THADA: variants seen among roughly 807,000 people sequenced by gnomAD.
THADA encodes the protein tRNA (32-2'-O)-methyltransferase regulator THADA.
In THADA, 213 loss-of-function variants were observed where a neutral mutation model predicts 219.8. The ratio of observed to expected loss-of-function variants is 0.97; its 90% CI spans 0.87 to 1.09. The LOEUF (loss-of-function observed/expected upper bound fraction) is 1.09. THADA is among the 50% of genes least tolerant of loss of function. The pLI is 0.00. For synonymous variants in THADA, 1,018 were observed against 828.9 expected (o/e 1.23, Z -3.92); for missense variants, 2,956 against 2,311.3 (o/e 1.28, Z -5.72).
intron 20 of THADA, among the ~76,000 whole-genome samples, chr2:43,541,813 T>G (rs534046641): frequency 6.6e-6 from 1 of 152,170 alleles, no homozygotes. Flanking sequence ...AATTTATTAT[T>G]TTCAAATTAA....
chr2:43,515,606 C>G (rs1344226068), intron 22 of THADA, among the ~76,000 whole-genome samples: 2 of 149,930 alleles, frequency 1.3e-5, no homozygotes, highest in Non-Finnish European at 3.0e-5. Flanking sequence ...AACTTACAAG[C>G]CACAGGAGAT....
chr2:43,517,207 C>T (rs1216200464), intron 22 of THADA, among the ~76,000 whole-genome samples: 1 of 152,168 alleles, frequency 6.6e-6, no homozygotes, highest in South Asian at 2.1e-4. Flanking sequence ...GGTACCCCCA[C>T]TCCCTTAGGG....
At chr2:43,523,126 A>G (rs6713844) in intron 22 of THADA, among the ~76,000 whole-genome samples, 66,207 of 151,956 alleles carry the variant, frequency 0.44, 16,247 homozygotes, top group African/African-American at 0.65. Context: ...AGCACTTTGG[A>G]AGGCTGAGGT....
In THADA at chr2:43,295,936, T is replaced by C. The variant is rs533421096; in HGVS notation, c.4439-2723A>G. ...CTCTACTGTTTTTTTTTTTTTTTTT[T>C]TGAGATGGAGTCTCGCTCTGTCGCC... On this transcript the variant is annotated intron_variant, in intron 31 of 37. Coordinates refer to ENST00000405975, the MANE Select transcript of THADA (RefSeq NM_022065.5). Among the ~76,000 whole-genome samples, 6 of 148,400 alleles carry C rather than the reference T, an allele frequency of 4.0e-5. No individual in the cohort carries two copies. The South Asian group carries it at 1.3e-3, about 31-fold the overall frequency.
chr2:43,507,366 C>A (rs556273732), intron 23 of THADA, among the ~76,000 whole-genome samples: 34 of 152,312 alleles, frequency 2.2e-4, no homozygotes, highest in African/African-American at 7.9e-4. Context: ...AAGAAGCACA[C>A]TGCACAAATA....
intron 24 of THADA, among the ~76,000 whole-genome samples, chr2:43,500,144 C>T (rs766730639): frequency 1.6e-4 from 24 of 151,628 alleles, no homozygotes; most frequent in South Asian, 4.2e-4. Context: ...AACAAGATCC[C>T]GTCTCTAAAA....
chr2:43,501,595 A>C (rs1688983271), intron 24 of THADA, among the ~76,000 whole-genome samples: 1 of 152,192 alleles, frequency 6.6e-6, no homozygotes, highest in Admixed American at 6.5e-5. Flanking sequence ...AAACAAAAAA[A>C]GAGAGATTCA....
intron 28 of THADA, among the ~76,000 whole-genome samples, chr2:43,415,522 C>T (rs1321495465): frequency 1.3e-5 from 2 of 152,108 alleles, no homozygotes; most frequent in Non-Finnish European, 2.9e-5. Context: ...ATAACAATGT[C>T]GTGGACTGGT....
intron 26 of THADA, among the ~76,000 whole-genome samples, chr2:43,455,113 C>A (rs1682825071): frequency 6.6e-6 from 1 of 152,166 alleles, no homozygotes. Flanking sequence ...TGTTCAACTG[C>A]CTGATAATCC....
intron 26 of THADA, among the ~76,000 whole-genome samples, chr2:43,476,649 TTAATTTAC>T (rs1685586034): frequency 6.6e-6 from 1 of 152,212 alleles, no homozygotes; most frequent in Non-Finnish European, 1.5e-5. Flanking sequence ...AGTGTGCTAC[TTAATTTAC>T]TAGCAAGACT....
intron 15 of THADA, chr2:43,562,332 C>T (rs1698166464): frequency 1.3e-5 from 2 of 152,272 alleles, no homozygotes; most frequent in South Asian, 4.1e-4. Context: ...GAAACCTCAG[C>T]CTCCTGGGTT....
At chr2:43,316,210 C>G (rs2104451385) in intron 31 of THADA, among the ~76,000 whole-genome samples, 1 of 152,294 alleles carries the variant, frequency 6.6e-6, no homozygotes, top group East Asian at 1.9e-4. Context: ...CTTTCCTGTC[C>G]TCTCAAGTAG....
chr2:43,281,348 T>A (rs1397815570), intron 35 of THADA, among the ~76,000 whole-genome samples: 2 of 152,196 alleles, frequency 1.3e-5, no homozygotes, highest in African/African-American at 4.8e-5. Flanking sequence ...GGTCATCATT[T>A]ATATCCTTCA....
At chr2:43,446,231 A>C (rs922377636) in intron 26 of THADA, among the ~76,000 whole-genome samples, 13 of 152,328 alleles carry the variant, frequency 8.5e-5, no homozygotes, top group Admixed American at 7.8e-4. Flanking sequence ...ACAGTTTCTG[A>C]TAGACTTTTT....
chr2:43,555,358 CTT>C (rs1697222078), intron 17 of THADA, among the ~76,000 whole-genome samples: 1 of 151,036 alleles, frequency 6.6e-6, no homozygotes. Flanking sequence ...GTGAATAAAA[CTT>C]GTGAACTTTT....
At chr2:43,455,503 C>T (rs1020668706) in intron 26 of THADA, among the ~76,000 whole-genome samples, 7 of 111,212 alleles carry the variant, frequency 6.3e-5, no homozygotes, top group African/African-American at 8.8e-5. Context: ...CACGTGCTCT[C>T]GCTCTCTCTC....
In THADA at chr2:43,397,955, A is replaced by G. The variant is rs768181926; in HGVS notation, c.4227+16T>C. 6.2e-7 allele frequency: 1 copy of G among 1,613,534 alleles called. No individual in the cohort carries two copies. The highest frequency in any genetic ancestry group is 1.1e-5 in the South Asian group (1 of 91,012). ...TATGGTGTTTGACAGAAGTCACACA[A>G]AGCAACTTTACTTACCTGGAGAAGT... On this transcript the variant is annotated intron_variant, in intron 29 of 37. Transcript: ENST00000405975.
At chr2:43,472,831 A>C (rs1685062071) in intron 26 of THADA, among the ~76,000 whole-genome samples, 1 of 152,234 alleles carries the variant, frequency 6.6e-6, no homozygotes, top group Non-Finnish European at 1.5e-5. Context: ...ATTGTACTAA[A>C]TACTGTAGGC....
rs150313794 is a variant in THADA at position 43,567,049 on chromosome 2, G to C, written c.2188-228C>G. Among the ~76,000 whole-genome samples, 349 of 151,024 alleles carry C rather than the reference G, an allele frequency of 2.3e-3. 1 individual carries two copies. Among genetic ancestry groups the C allele is most frequent in the African/African-American group, 8.2e-3 (338 of 41,140 alleles). On this transcript the variant is annotated intron_variant, in intron 14 of 37. Coordinates refer to ENST00000405975, the MANE Select transcript of THADA (RefSeq NM_022065.5). ...CCTATATTTGCAGAGTCAACAAGAA[G>C]TACAATTTCTATTGTAGCCCAGACA...
Sources: gnomAD v4.1 joint callset for allele counts (sites outside exome capture counted in the v4.1 genomes callset) on GRCh38, gnomAD v4.1.1 for gene constraint, MANE v1.5 for transcripts, NCBI Gene and HGNC (gene_info 2026-07-23, HGNC 2026-07-21) for gene names.